The following TJP1 variants were observed in gnomAD, a reference collection of about 807,000 sequenced individuals.
The protein encoded by TJP1 is tight junction protein 1.
In TJP1, 43 loss-of-function variants were observed where a neutral mutation model predicts 194.2. The ratio of observed to expected loss-of-function variants is 0.22; its 90% CI spans 0.17 to 0.29. The LOEUF (loss-of-function observed/expected upper bound fraction) is 0.29. Among genes scored for constraint, TJP1 ranks in the 10% least tolerant of loss-of-function variants. The probability of loss-of-function intolerance (pLI) is 1.00; values close to 1 mark genes in which losing one functional copy is unlikely to be tolerated. For synonymous variants in TJP1, 801 were observed against 779.0 expected, an observed-to-expected ratio of 1.03 and a Z score of -0.47; for missense variants, 1,971 against 2,185.7, an observed-to-expected ratio of 0.90 and a Z score of 1.96.
chr15:29,911,038 TG>T (rs1191022977), intron 2 of TJP1, among the ~76,000 whole-genome samples: 1 of 152,264 alleles, frequency 6.6e-6, no homozygotes, highest in East Asian at 1.9e-4. Context: ...AGCTGTACTA[TG>T]ATGATCTTAG....
At chr15:29,820,313 A>T (rs1596027906) in intron 1 of TJP1, among the ~76,000 whole-genome samples, 1 of 152,250 alleles carries the variant, frequency 6.6e-6, no homozygotes, top group African/African-American at 2.4e-5. Context: ...ATATTATTTC[A>T]TTTCACTTAT....
chr15:29,815,889 GA>G (rs2049878597), intron 1 of TJP1, among the ~76,000 whole-genome samples: 1 of 152,058 alleles, frequency 6.6e-6, no homozygotes, highest in East Asian at 1.9e-4. Flanking sequence ...GATTGGAGGG[GA>G]AAAAGGGAGT....
At position 29,718,124 on chromosome 15, in the gene TJP1, T is replaced by TAAAA. The variant is rs563006679; in HGVS notation, c.3877-10_3877-7dup. 2.2e-5 allele frequency: 32 copies of TAAAA among 1,427,764 alleles called. No individual in the cohort carries two copies. Among genetic ancestry groups the TAAAA allele is most frequent in the Non-Finnish European group, 2.4e-5 (25 of 1,062,656 alleles). The allele number at this position is 1,427,764 out of a possible 1,614,324, so 88.4% of individuals were successfully genotyped here. A position where few individuals can be genotyped will look rare whatever the true frequency, so the allele number is the denominator to read the frequency against. The stretch of plus-strand genomic sequence containing the variant: ...TTAGATGCTACTTCTGGAGGCTGTT[T>TAAAA]AAAAAAAAAAAAAAAAAAAAGACAA... On this transcript the variant is annotated splice_polypyrimidine_tract_variant and splice_region_variant and intron_variant, in intron 21 of 27. Coordinates refer to ENST00000614355, the MANE Select transcript of TJP1 (RefSeq NM_001330239.4).
chr15:29,945,415 G>A (rs959524432), intron 2 of TJP1, among the ~76,000 whole-genome samples: 15 of 152,152 alleles, frequency 9.9e-5, no homozygotes, highest in Non-Finnish European at 1.8e-4. Flanking sequence ...AGTACTTATC[G>A]AGAAGCTGAA....
chr15:29,728,210 A>C (rs2043364943), intron 15 of TJP1, 191 bp from the exon 16 acceptor site: 1 of 464,308 alleles, frequency 2.2e-6, no homozygotes, highest in South Asian at 4.2e-5. Context: ...TATTTTTTCA[A>C]CTACTTTAAT....
At chr15:29,941,142 G>A (rs1050586702) in intron 2 of TJP1, among the ~76,000 whole-genome samples, 7 of 152,150 alleles carry the variant, frequency 4.6e-5, no homozygotes, top group African/African-American at 1.4e-4. Flanking sequence ...TTCCACCTCT[G>A]CAAATGACCT....
In TJP1 at chr15:29,766,312, A is replaced by C. The variant is rs1447898470; in HGVS notation, c.543T>G (p.Pro181=). Residue 181 remains proline, a synonymous_variant, in exon 5 of 28, where the codon CCT becomes CCG. Coordinates refer to ENST00000614355, the MANE Select transcript of TJP1 (RefSeq NM_001330239.4). The stretch of plus-strand genomic sequence containing the variant: ...CCAGTGTGACTTTAGTAGGTTTAGC[A>C]GGCTGGCTGGAAGCCACTGACCGCC... ...SDRRSVASSQ[P]AKPTKVTLVK... is the part of the protein sequence containing the mutation. The C allele has an allele frequency of 1.2e-6, 2 of 1,614,078 alleles. No homozygotes were observed. Among genetic ancestry groups the C allele is most frequent in the East Asian group, 2.2e-5 (1 of 44,890 alleles).
intron 2 of TJP1, among the ~76,000 whole-genome samples, chr15:29,862,716 T>C (rs935497874): frequency 2.0e-5 from 3 of 149,326 alleles, no homozygotes; most frequent in Admixed American, 6.7e-5. Flanking sequence ...GGTGCGATCT[T>C]GGCTCACTGC....
At chr15:29,846,440 T>G (rs565114993) in intron 2 of TJP1, among the ~76,000 whole-genome samples, 1 of 152,190 alleles carries the variant, frequency 6.6e-6, no homozygotes, top group East Asian at 1.9e-4. Context: ...TCTATTCACT[T>G]GCTGATTTGA....
intron 2 of TJP1, among the ~76,000 whole-genome samples, chr15:29,921,317 C>T (rs879444621): frequency 6.6e-6 from 1 of 152,206 alleles, no homozygotes; most frequent in Non-Finnish European, 1.5e-5. Context: ...TTCCAGCTCA[C>T]TGCCTCATAG....
At chr15:29,783,368 G>A (rs545737616) in intron 2 of TJP1, among the ~76,000 whole-genome samples, 62 of 152,232 alleles carry the variant, frequency 4.1e-4, no homozygotes, top group African/African-American at 1.4e-3. Flanking sequence ...ATGCTGGCAA[G>A]GCTACAGGGA....
At chr15:29,735,148 G>T (rs1019342552) in intron 11 of TJP1, among the ~76,000 whole-genome samples, 4 of 151,688 alleles carry the variant, frequency 2.6e-5, no homozygotes, top group African/African-American at 9.7e-5. Context: ...TGTCACCAGT[G>T]ACTGTGTGCA....
rs756221467 is a variant in TJP1 at position 29,719,035 on chromosome 15, T to G, written c.3107A>C (p.Asn1036Thr). Reference protein sequence around the residue: ...HPGHRPDKEPNLTYEPQLPYV... With the variant: ...HPGHRPDKEPTLTYEPQLPYV... ...TGGGAGTTGGGGTTCATAGGTCAGA[T>G]TAGGCTCTTTGTCTGGCCTGTGCCC... The change falls in exon 21 of 28, where the codon AAT (asparagine) becomes ACT (threonine). Residue 1036 changes from asparagine (N) to threonine (T), a missense_variant. Coordinates refer to ENST00000614355, the MANE Select transcript of TJP1 (RefSeq NM_001330239.4). The G allele has an allele frequency of 1.2e-6, 2 of 1,614,216 alleles. No individual in the cohort carries two copies. Among genetic ancestry groups the G allele is most frequent in the East Asian group, 4.5e-5 (2 of 44,880 alleles).
At chr15:29,914,172 G>C (rs2152232953) in intron 2 of TJP1, among the ~76,000 whole-genome samples, 1 of 152,264 alleles carries the variant, frequency 6.6e-6, no homozygotes, top group East Asian at 1.9e-4. Context: ...GAGGATTTTT[G>C]TAAGTTAGAA....
rs576459693 is a variant in TJP1 at position 29,720,372 on chromosome 15, G to C, written c.2749C>G (p.Pro917Ala). The stretch of plus-strand genomic sequence containing the variant: ...TTGCTGCTTACCTGTTGAGAGGCTG[G>C]CTTAAATCCAGGGGAGTCTATTCTA... ...IHRIDSPGFKPASQQKAEASS... is the reference protein window; with the variant it reads ...IHRIDSPGFKAASQQKAEASS... The change falls in exon 19 of 28, where the codon CCA (proline) becomes GCA (alanine). Residue 917 changes from proline (P) to alanine (A), a missense_variant. Coordinates refer to ENST00000614355, the MANE Select transcript of TJP1 (RefSeq NM_001330239.4). 3 of 1,588,480 alleles carry C rather than the reference G, an allele frequency of 1.9e-6. No individual in the cohort carries two copies. The highest frequency in any genetic ancestry group is 2.7e-5 in the African/African-American group (2 of 74,010).
At chr15:29,907,278 G>GGGC (rs2053846932) in intron 2 of TJP1, among the ~76,000 whole-genome samples, 1 of 151,578 alleles carries the variant, frequency 6.6e-6, no homozygotes, top group African/African-American at 2.4e-5. Context: ...GGGTGGTGGC[G>GGGC]GGCGCCTGTA....
intron 1 of TJP1, among the ~76,000 whole-genome samples, chr15:29,819,652 A>G (rs1020882328): frequency 6.6e-6 from 1 of 152,186 alleles, no homozygotes; most frequent in African/African-American, 2.4e-5. Flanking sequence ...TTTCTTATCA[A>G]TATGTCAAGT....
At chr15:29,762,019 T>C (rs1350586368) in intron 6 of TJP1, among the ~76,000 whole-genome samples, 1 of 152,176 alleles carries the variant, frequency 6.6e-6, no homozygotes, top group Non-Finnish European at 1.5e-5. Context: ...TTCTATTACT[T>C]ATAAACAAAC....
chr15:29,728,185 C>CTT (rs201486703), intron 15 of TJP1, 166 bp from the exon 16 acceptor site: 168 of 353,738 alleles, frequency 4.7e-4, no homozygotes, highest in South Asian at 1.1e-3. Flanking sequence ...GCATACTTCC[C>CTT]TTTTTTTTTT....
Sources: allele counts gnomAD v4.1 joint callset (sites outside exome capture counted in the v4.1 genomes callset), GRCh38; gene constraint gnomAD v4.1.1; transcripts MANE v1.5; gene names NCBI Gene and HGNC (gene_info 2026-07-23, HGNC 2026-07-21).